The following TTC29 variants were observed in gnomAD, a reference collection of about 807,000 sequenced individuals.
TTC29 encodes the protein tetratricopeptide repeat protein 29.
Under a neutral mutation model 58.1 loss-of-function variants are expected in TTC29, and 49 were observed. The observed-to-expected ratio is 0.84, with a 90% CI of 0.67 to 1.07. TTC29 has a LOEUF of 1.07. Ranked by LOEUF, TTC29 falls within the 50% of genes least tolerant of loss-of-function variation. The pLI, the probability that TTC29 is intolerant of heterozygous loss-of-function variation, is 0.00. For missense variants in TTC29, 582 were observed against 555.6 expected (o/e 1.05, Z -0.48); for synonymous variants, 209 against 196.8 (o/e 1.06, Z -0.52).
intron 11 of TTC29, among the ~76,000 whole-genome samples, chr4:146,737,649 C>T (rs890277066): frequency 2.0e-5 from 3 of 146,540 alleles, no homozygotes; most frequent in African/African-American, 7.5e-5. Context: ...TTGGAGTGGG[C>T]TTTGCTTACC....
intron 11 of TTC29, among the ~76,000 whole-genome samples, chr4:146,726,183 T>C (rs901023607): frequency 2.0e-5 from 3 of 151,760 alleles, no homozygotes; most frequent in South Asian, 4.2e-4. Flanking sequence ...GTCTAAACCA[T>C]GTATAAAAAA....
intron 11 of TTC29, among the ~76,000 whole-genome samples, chr4:146,721,234 G>A (rs1743330943): frequency 6.6e-6 from 1 of 152,114 alleles, no homozygotes; most frequent in South Asian, 2.1e-4. Context: ...TAGGACTCAG[G>A]TTCCTTAACA....
intron 6 of TTC29, among the ~76,000 whole-genome samples, chr4:146,882,584 T>C (rs552953670): frequency 7.9e-5 from 12 of 152,248 alleles, no homozygotes; most frequent in Admixed American, 7.2e-4. Flanking sequence ...TATTGAATTA[T>C]ATTTGCACAG....
At chr4:146,742,203 C>T (rs1579570408) in intron 11 of TTC29, among the ~76,000 whole-genome samples, 1 of 152,130 alleles carries the variant, frequency 6.6e-6, no homozygotes, top group Non-Finnish European at 1.5e-5. Context: ...TTCTCAGTTG[C>T]TCAAGGGTAT....
At chr4:146,887,781 C>T (rs1294878059) in intron 6 of TTC29, among the ~76,000 whole-genome samples, 4 of 152,236 alleles carry the variant, frequency 2.6e-5, no homozygotes, top group African/African-American at 9.6e-5. Flanking sequence ...GCCACCCTTA[C>T]AGCATCTCTT....
intron 4 of TTC29, among the ~76,000 whole-genome samples, chr4:146,931,153 G>A (rs1258300315): frequency 6.6e-6 from 1 of 151,900 alleles, no homozygotes; most frequent in Non-Finnish European, 1.5e-5. Context: ...GTTCAATCTG[G>A]GCAACATAGT....
chr4:146,819,889 A>G (rs1416387832), intron 10 of TTC29, among the ~76,000 whole-genome samples: 11 of 152,178 alleles, frequency 7.2e-5, no homozygotes, highest in Admixed American at 7.2e-4. Flanking sequence ...AATCAGGGTT[A>G]GCAGCTCATA....
intron 8 of TTC29, among the ~76,000 whole-genome samples, chr4:146,863,210 C>A (rs1019055162): frequency 6.6e-5 from 10 of 152,090 alleles, no homozygotes; most frequent in Non-Finnish European, 2.9e-5. Flanking sequence ...CTCGTTCCAG[C>A]CCAAATCCCA....
chr4:146,889,614 T>C (rs1732218722), intron 6 of TTC29, among the ~76,000 whole-genome samples: 1 of 152,156 alleles, frequency 6.6e-6, no homozygotes, highest in Admixed American at 6.6e-5. Flanking sequence ...ATATGTCCTT[T>C]GCATTTCTTT....
chr4:146,821,603 T>G (rs576623250), intron 9 of TTC29, among the ~76,000 whole-genome samples: 73 of 152,294 alleles, frequency 4.8e-4, no homozygotes, highest in African/African-American at 1.7e-3. Context: ...ATTTGGCATA[T>G]AGTAAGCATT....
At chr4:146,912,283 A>G (rs1733947482) in intron 4 of TTC29, among the ~76,000 whole-genome samples, 1 of 152,174 alleles carries the variant, frequency 6.6e-6, no homozygotes, top group African/African-American at 2.4e-5. Context: ...ACCAGATAAA[A>G]TGTAGGATGC....
intron 11 of TTC29, among the ~76,000 whole-genome samples, chr4:146,713,111 C>CGTGTGTGTGT (rs10678715): frequency 0.19 from 27,113 of 139,386 alleles, 3,270 homozygotes; most frequent in Admixed American, 0.27. Flanking sequence ...GAGAATTGAT[C>CGTGTGTGTGT]GTGTGTGTGT....
At chr4:146,724,953 G>C (rs1452544914) in intron 11 of TTC29, among the ~76,000 whole-genome samples, 1 of 152,112 alleles carries the variant, frequency 6.6e-6, no homozygotes, top group Non-Finnish European at 1.5e-5. Context: ...GCAGTTTACA[G>C]GTATTGAGTC....
chr4:146,744,692 C>G (rs1050177574), intron 11 of TTC29, among the ~76,000 whole-genome samples: 1 of 152,082 alleles, frequency 6.6e-6, no homozygotes, highest in Non-Finnish European at 1.5e-5. Context: ...TTGTATATGC[C>G]TCTCTCACCA....
intron 6 of TTC29, among the ~76,000 whole-genome samples, chr4:146,885,940 T>C (rs977512158): frequency 6.6e-6 from 1 of 152,182 alleles, no homozygotes; most frequent in African/African-American, 2.4e-5. Flanking sequence ...TATTTTTCTA[T>C]GTATTCATTA....
At chr4:146,868,322 T>C (rs1157887880) in intron 7 of TTC29, among the ~76,000 whole-genome samples, 1 of 152,032 alleles carries the variant, frequency 6.6e-6, no homozygotes, top group Non-Finnish European at 1.5e-5. Context: ...TGTATACATA[T>C]GTAACTAACC....
At chr4:146,711,557 T>G (rs1742493789) in intron 11 of TTC29, among the ~76,000 whole-genome samples, 1 of 152,136 alleles carries the variant, frequency 6.6e-6, no homozygotes, top group South Asian at 2.1e-4. Context: ...AAGCTTTTGT[T>G]AAAAAATAAA....
At chr4:146,836,364 G>C (rs1019563017) in intron 8 of TTC29, among the ~76,000 whole-genome samples, 16 of 152,044 alleles carry the variant, frequency 1.1e-4, no homozygotes, top group Non-Finnish European at 5.9e-5. Context: ...TGACCAAGTA[G>C]GGAAAATGTC....
intron 11 of TTC29, among the ~76,000 whole-genome samples, chr4:146,724,494 G>C (rs902770563): frequency 1.3e-5 from 2 of 152,086 alleles, no homozygotes; most frequent in Non-Finnish European, 2.9e-5. Context: ...AAATGCTTTA[G>C]AGAAGAAATG....
Sources: gnomAD v4.1 joint callset for allele counts (sites outside exome capture counted in the v4.1 genomes callset) on GRCh38, gnomAD v4.1.1 for gene constraint, MANE v1.5 for transcripts, NCBI Gene and HGNC (gene_info 2026-07-23, HGNC 2026-07-21) for gene names.